Variants in IGF2R observed in about 807,000 individuals in gnomAD.
IGF2R encodes cation-independent mannose-6-phosphate receptor.
IGF2R carries 91 observed loss-of-function variants against 270.6 expected under a neutral mutation model. That is an observed-to-expected ratio of 0.34 (90% confidence interval 0.28 to 0.40). The LOEUF is 0.40. IGF2R is among the 10% of genes least tolerant of loss of function. IGF2R has a pLI of 1.00. For synonymous variants in IGF2R, 1,316 were observed against 1,258.9 expected (o/e 1.05, Z -0.96); for missense variants, 2,805 against 3,188.3 (o/e 0.88, Z 2.90).
chr6:160,021,257 T>C (rs1159477718), intron 4 of IGF2R, among the ~76,000 whole-genome samples: 1 of 151,956 alleles, frequency 6.6e-6, no homozygotes, highest in Non-Finnish European at 1.5e-5. Context: ...TGGAATACTA[T>C]GCAGCCATAA....
intron 4 of IGF2R, among the ~76,000 whole-genome samples, chr6:160,018,917 G>A (rs1175977736): frequency 6.6e-6 from 1 of 151,854 alleles, no homozygotes; most frequent in Non-Finnish European, 1.5e-5. Flanking sequence ...AGAAAAAAAA[G>A]AAAAAACCAA....
At chr6:159,979,694 CAGA>C (rs1783749521) in intron 1 of IGF2R, among the ~76,000 whole-genome samples, 2 of 152,264 alleles carry the variant, frequency 1.3e-5, no homozygotes, top group Admixed American at 6.5e-5. Context: ...GCCTGCATGT[CAGA>C]CCCAGCGGGA....
At chr6:160,019,700 T>TTTA (rs1356667685) in intron 4 of IGF2R, among the ~76,000 whole-genome samples, 1 of 151,942 alleles carries the variant, frequency 6.6e-6, no homozygotes, top group Non-Finnish European at 1.5e-5. Context: ...ATTTAAACAA[T>TTTA]TTAAAAAAAA....
rs561131449 is a variant in IGF2R, at chr6:160,073,599, A to C, written c.4947+130A>C. On this transcript the variant is annotated intron_variant, in intron 34 of 47. Coordinates refer to ENST00000356956, the MANE Select transcript of IGF2R (RefSeq NM_000876.4). ...GTCCACTCCTGATCACCCCAATAAT[A>C]AAGTTGACTGGAAGTGCCCAGTGCT... is the stretch of plus-strand genomic sequence containing the variant. 33 of 1,187,912 alleles carry C rather than the reference A, an allele frequency of 2.8e-5. No homozygotes were observed. The African/African-American group carries it at 4.7e-4, about 17-fold the overall frequency. 73.6% of individuals were successfully genotyped at this position (1,187,912 alleles called of 1,614,324 possible). A position where few individuals can be genotyped will look rare whatever the true frequency, so the allele number is the denominator to read the frequency against.
rs199715599 is a variant in IGF2R at position 160,029,566 on chromosome 6, G to A, written c.793G>A (p.Val265Met). The change falls in exon 7 of 48, where the codon GTG (valine) becomes ATG (methionine). Residue 265 changes from valine (V) to methionine (M), a missense_variant. Physicochemically the swap from Val to Met is conservative, Grantham distance 21. Coordinates refer to ENST00000356956, the MANE Select transcript of IGF2R (RefSeq NM_000876.4). The stretch of plus-strand genomic sequence containing the variant: ...CTCTCCCAGGCTTGTCCTGAGTTAC[G>A]TGAGGGAAGAGGCAGGAAAGCTAGA... ...VRKDRLVLSYVREEAGKLDFC... is the reference protein window; with the variant it reads ...VRKDRLVLSYMREEAGKLDFC... The A allele has an allele frequency of 1.6e-5, 26 of 1,613,316 alleles. No individual in the cohort carries two copies. The Admixed American group carries it at 1.7e-4, about 10-fold the overall frequency.
At chr6:160,083,332 C>A (rs1189815214) in intron 39 of IGF2R, among the ~76,000 whole-genome samples, 2 of 152,252 alleles carry the variant, frequency 1.3e-5, no homozygotes, top group African/African-American at 4.8e-5. Context: ...CCTCCCGCCA[C>A]AGGGCAGCTT....
chr6:160,017,689 T>C (rs1001168097), intron 4 of IGF2R, among the ~76,000 whole-genome samples: 2 of 152,180 alleles, frequency 1.3e-5, no homozygotes, highest in Non-Finnish European at 2.9e-5. Flanking sequence ...CCAGAGAGAT[T>C]GGGTTTCTCT....
At chr6:160,027,589 C>G (rs921726441) in intron 6 of IGF2R, among the ~76,000 whole-genome samples, 3 of 152,208 alleles carry the variant, frequency 2.0e-5, no homozygotes, top group Admixed American at 2.0e-4. Flanking sequence ...GAAATAATGC[C>G]TATCTTAAGG....
chr6:160,025,387 G>A (rs1026017186), intron 5 of IGF2R, among the ~76,000 whole-genome samples: 14 of 152,110 alleles, frequency 9.2e-5, no homozygotes, highest in African/African-American at 3.4e-4. Context: ...AGTAAATTCT[G>A]CTGGTGATTA....
chr6:159,991,390 G>A (rs753061103), intron 2 of IGF2R, 67 bp downstream of exon 2: 5 of 1,428,492 alleles, frequency 3.5e-6, no homozygotes, highest in South Asian at 2.4e-5. Context: ...AAATGACTGT[G>A]TATAGCTATA....
chr6:160,015,845 A>G (rs1777279210), intron 4 of IGF2R, among the ~76,000 whole-genome samples: 1 of 152,164 alleles, frequency 6.6e-6, no homozygotes, highest in Non-Finnish European at 1.5e-5. Context: ...ACAGTGAGTG[A>G]ATTCTCATGA....
In IGF2R at chr6:160,104,861, A is replaced by G; in HGVS notation, c.7253A>G (p.Glu2418Gly). The change falls in exon 48 of 48, where the codon GAG becomes GGG. Residue 2418 changes from glutamate to glycine, a missense_variant. Glu to Gly is a moderately conservative substitution (Grantham distance 98, BLOSUM62 -2). This residue lies in a region of IGF2R where 1,851 missense variants were observed against 2,207.2 expected (regional missense o/e 0.84). Coordinates refer to ENST00000356956, the MANE Select transcript of IGF2R (RefSeq NM_000876.4). ...DSEDEVLTIP[E>G]VKVHSGRGAG... ...GAGGATGAGGTTCTGACCATCCCAG[A>G]GGTGAAAGTTCACTCGGGCAGGGGA... 1 of 1,614,172 alleles carries G rather than the reference A, an allele frequency of 6.2e-7. No homozygotes were observed. Among genetic ancestry groups the G allele is most frequent in the East Asian group, 2.2e-5 (1 of 44,868 alleles).
intron 8 of IGF2R, 107 bp from the exon 9 acceptor site, chr6:160,032,835 G>C (rs1016980064): frequency 1.4e-6 from 2 of 1,396,988 alleles, no homozygotes; most frequent in South Asian, 1.3e-5. Flanking sequence ...CTGTAGTTTG[G>C]GCTGGTGTTT....
chr6:160,059,558 C>T (rs1386172482), intron 22 of IGF2R, among the ~76,000 whole-genome samples: 1 of 152,192 alleles, frequency 6.6e-6, no homozygotes, highest in African/African-American at 2.4e-5. Flanking sequence ...AGGGGGGCTG[C>T]TGTAGCCTGT....
At position 160,061,499 on chromosome 6, in the gene IGF2R, T is replaced by A. The variant is rs2115262446; in HGVS notation, c.3263-4T>A. 6.2e-7 allele frequency: 1 copy of A among 1,613,678 alleles called. No individual in the cohort carries two copies. Among genetic ancestry groups the A allele is most frequent in the East Asian group, 2.2e-5 (1 of 44,890 alleles). The stretch of plus-strand genomic sequence containing the variant: ...CTCCAGCGTGGTTTTTTGTTGTGTT[T>A]CAGACCTGGCTGGAAATGAGTACGA... On this transcript the variant is annotated splice_polypyrimidine_tract_variant and splice_region_variant and intron_variant, in intron 23 of 47. Coordinates refer to ENST00000356956, the MANE Select transcript of IGF2R (RefSeq NM_000876.4).
intron 4 of IGF2R, among the ~76,000 whole-genome samples, chr6:160,016,230 C>T (rs529250686): frequency 1.3e-5 from 2 of 152,266 alleles, no homozygotes; most frequent in East Asian, 3.9e-4. Context: ...CAGGCTGCAC[C>T]TCTTTTTACC....
At position 159,975,597 on chromosome 6, in the gene IGF2R, T is replaced by G. The variant is rs534231143; in HGVS notation, c.149+6202T>G. On this transcript the variant is annotated intron_variant, in intron 1 of 47. Coordinates refer to ENST00000356956, the MANE Select transcript of IGF2R (RefSeq NM_000876.4). ...TCCTGAGGCCTGACACACCCAACATTATAACAAAAGACCAATACTAGGACT... is the reference window on the plus strand; with the variant it reads ...TCCTGAGGCCTGACACACCCAACATGATAACAAAAGACCAATACTAGGACT... 6.0e-5 allele frequency among the ~76,000 whole-genome samples: 9 copies of G among 150,656 alleles called. No homozygotes were observed. The South Asian group carries it at 1.7e-3, about 28-fold the overall frequency.
intron 1 of IGF2R, among the ~76,000 whole-genome samples, chr6:159,981,782 C>T (rs1158442577): frequency 3.9e-5 from 6 of 152,198 alleles, no homozygotes; most frequent in African/African-American, 1.2e-4. Flanking sequence ...ACCTCTGTTA[C>T]GCAGTCCCCA....
chr6:160,039,077 A>G lies in IGF2R; in HGVS notation c.1316-1483A>G, dbSNP rs141575187. ...TTAATATAGTCATGTGTTGCTTAAC[A>G]ATAGGAATATGTTCTGAGAAATGTG... is the stretch of plus-strand genomic sequence containing the variant. On this transcript the variant is annotated intron_variant, in intron 10 of 47. Transcript: ENST00000356956. 2.3e-3 allele frequency among the ~76,000 whole-genome samples: 350 copies of G among 152,330 alleles called. 1 individual carries two copies. The highest frequency in any genetic ancestry group is 8.1e-3 in the African/African-American group (337 of 41,570).
Sources: gnomAD v4.1 joint callset for allele counts (sites outside exome capture counted in the v4.1 genomes callset) on GRCh38, gnomAD v4.1.1 for gene constraint, gnomAD v4.1.1 regional missense constraint, MANE v1.5 for transcripts, NCBI Gene and HGNC (gene_info 2026-07-23, HGNC 2026-07-21) for gene names.